The following FHOD3 variants were observed in gnomAD, a reference collection of about 807,000 sequenced individuals.
FHOD3 encodes FH1/FH2 domain-containing protein 3.
In FHOD3, 90 loss-of-function variants were observed where a neutral mutation model predicts 173.0. That is an observed-to-expected ratio of 0.52 (90% CI 0.44 to 0.62). The LOEUF (loss-of-function observed/expected upper bound fraction) is 0.62. FHOD3 is among the 20% of genes least tolerant of loss of function. The pLI is 0.00. For synonymous variants in FHOD3, 828 were observed against 823.0 expected, an observed-to-expected ratio of 1.01 and a Z score of -0.10; for missense variants, 1,945 against 2,034.7, an observed-to-expected ratio of 0.96 and a Z score of 0.85.
At chr18:36,493,992 T>C (rs1047896412) in intron 3 of FHOD3, among the ~76,000 whole-genome samples, 1 of 152,198 alleles carries the variant, frequency 6.6e-6, no homozygotes, top group Non-Finnish European at 1.5e-5. Flanking sequence ...CGTGATACTG[T>C]AGATGTATCT....
chr18:36,609,023 T>A (rs1413251007), intron 8 of FHOD3, among the ~76,000 whole-genome samples: 1 of 152,216 alleles, frequency 6.6e-6, no homozygotes, highest in African/African-American at 2.4e-5. Context: ...GTGCAATCAA[T>A]GAAAACCCAG....
At chr18:36,628,648 G>A (rs1178073657) in intron 10 of FHOD3, among the ~76,000 whole-genome samples, 1 of 152,174 alleles carries the variant, frequency 6.6e-6, no homozygotes, top group Non-Finnish European at 1.5e-5. Flanking sequence ...ATCTTTATGG[G>A]ACCATGTGTG....
In FHOD3 at chr18:36,718,134, A is replaced by G. The variant is rs1257533078; in HGVS notation, c.2836A>G (p.Ser946Gly). The G allele has an allele frequency of 1.2e-6, 2 of 1,604,558 alleles. No homozygotes were observed. Among genetic ancestry groups the G allele is most frequent in the Admixed American group, 1.7e-5 (1 of 59,220 alleles). The change falls in exon 19 of 29, where the codon AGT (serine) becomes GGT (glycine). Residue 946 changes from serine (S) to glycine (G), a missense_variant. Around this residue, in one of 5 missense-constraint regions of FHOD3, gnomAD observed 1,099 missense variants for 1,051.2 expected, o/e 1.05. Transcript: ENST00000590592. The part of the protein sequence containing the change: ...SVKAFAEKFN[S>G]GDLGRGSISP... ...GAAAGCATTTGCTGAGAAATTCAAC[A>G]GTGGGGACCTGGGGAGAGGTTCCAT...
intron 23 of FHOD3, among the ~76,000 whole-genome samples, chr18:36,745,954 C>T (rs1373921894): frequency 1.3e-5 from 2 of 151,938 alleles, no homozygotes; most frequent in Non-Finnish European, 2.9e-5. Flanking sequence ...CCACCTCAGT[C>T]CCCTCCTTTC....
intron 3 of FHOD3, among the ~76,000 whole-genome samples, chr18:36,421,818 G>T (rs1269438977): frequency 6.6e-6 from 1 of 152,180 alleles, no homozygotes; most frequent in Non-Finnish European, 1.5e-5. Context: ...GGCAGCCCCT[G>T]TGTGGATAGG....
chr18:36,701,211 A>C (rs1368479860), intron 17 of FHOD3, among the ~76,000 whole-genome samples: 7 of 152,176 alleles, frequency 4.6e-5, no homozygotes, highest in Non-Finnish European at 1.0e-4. Flanking sequence ...GAAGAAATTT[A>C]TTACATGAGC....
chr18:36,404,105 C>T (rs2048947625), intron 3 of FHOD3, among the ~76,000 whole-genome samples: 1 of 152,234 alleles, frequency 6.6e-6, no homozygotes, highest in Admixed American at 6.5e-5. Flanking sequence ...AATCTGCTCC[C>T]TGAGGGTTTG....
At chr18:36,665,384 T>G (rs937478557) in intron 14 of FHOD3, among the ~76,000 whole-genome samples, 1 of 152,192 alleles carries the variant, frequency 6.6e-6, no homozygotes, top group African/African-American at 2.4e-5. Context: ...GCAAATCATC[T>G]GCAAATAAAG....
At chr18:36,709,628 T>C (rs1195300418) in intron 18 of FHOD3, 1 of 525,968 alleles carries the variant, frequency 1.9e-6, no homozygotes, top group African/African-American at 1.9e-5. Context: ...ATCACATTCA[T>C]CACCTCCACA....
chr18:36,766,819 C>T (rs2043158732), intron 27 of FHOD3, among the ~76,000 whole-genome samples: 1 of 152,138 alleles, frequency 6.6e-6, no homozygotes, highest in Non-Finnish European at 1.5e-5. Context: ...TTAGATGATG[C>T]CTTCATTTCT....
intron 3 of FHOD3, among the ~76,000 whole-genome samples, chr18:36,374,269 G>A (rs2047328311): frequency 6.6e-6 from 1 of 152,136 alleles, no homozygotes; most frequent in African/African-American, 2.4e-5. Flanking sequence ...TGTAAGATGT[G>A]TGACATCTTA....
chr18:36,660,115 A>G (rs1568565257), intron 14 of FHOD3, among the ~76,000 whole-genome samples: 2 of 152,136 alleles, frequency 1.3e-5, no homozygotes, highest in East Asian at 3.9e-4. Context: ...CTAAAAATAC[A>G]AAACTTAGCC....
chr18:36,588,873 G>A (rs959643573), intron 6 of FHOD3, among the ~76,000 whole-genome samples: 13 of 152,206 alleles, frequency 8.5e-5, no homozygotes, highest in Admixed American at 8.5e-4. Flanking sequence ...TAAAACAACA[G>A]CAAGAACAAG....
chr18:36,735,080 G>A (rs1229841407), intron 20 of FHOD3, among the ~76,000 whole-genome samples: 5 of 152,078 alleles, frequency 3.3e-5, no homozygotes, highest in African/African-American at 7.2e-5. Flanking sequence ...GAAGTATGAC[G>A]ATTTTTATTT....
chr18:36,592,262 G>T (rs535499733), intron 6 of FHOD3, among the ~76,000 whole-genome samples: 1 of 152,136 alleles, frequency 6.6e-6, no homozygotes, highest in East Asian at 1.9e-4. Context: ...TGACCAAGGG[G>T]CTCCTTTAAG....
At chr18:36,597,806 GAAAAAAA>G (rs34629227) in intron 7 of FHOD3, among the ~76,000 whole-genome samples, 2 of 123,474 alleles carry the variant, frequency 1.6e-5, no homozygotes, top group Non-Finnish European at 3.5e-5. Flanking sequence ...ACTAGCAGCT[GAAAAAAA>G]AAAAAAAAGG....
At chr18:36,448,955 C>A (rs1324173925) in intron 3 of FHOD3, among the ~76,000 whole-genome samples, 1 of 151,660 alleles carries the variant, frequency 6.6e-6, no homozygotes, top group African/African-American at 2.4e-5. Flanking sequence ...CCTTTCCTCC[C>A]CCTCCCTACT....
chr18:36,574,871 T>A (rs924313720), intron 5 of FHOD3, among the ~76,000 whole-genome samples: 5 of 152,158 alleles, frequency 3.3e-5, no homozygotes, highest in Non-Finnish European at 5.9e-5. Context: ...GCTTATTGTG[T>A]CAAGGATATG....
intron 3 of FHOD3, among the ~76,000 whole-genome samples, chr18:36,478,314 T>C (rs983292195): frequency 2.0e-5 from 3 of 152,222 alleles, no homozygotes; most frequent in African/African-American, 7.2e-5. Context: ...AGTAGGGGTA[T>C]ATATTTATGG....
Sources: allele counts gnomAD v4.1 joint callset (sites outside exome capture counted in the v4.1 genomes callset), GRCh38; gene constraint gnomAD v4.1.1; regional missense constraint gnomAD v4.1.1; transcripts MANE v1.5; gene names NCBI Gene and HGNC (gene_info 2026-07-23, HGNC 2026-07-21).